Variants in NFIA observed in about 807,000 individuals in gnomAD.
NFIA encodes the protein nuclear factor 1 A-type.
In NFIA, 8 loss-of-function variants were observed where a neutral mutation model predicts 62.8. That is an observed-to-expected ratio of 0.13 (90% CI 0.07 to 0.23). The LOEUF (loss-of-function observed/expected upper bound fraction) is 0.23. NFIA is among the 10% of genes least tolerant of loss of function. The pLI is 1.00. For missense variants in NFIA, 410 were observed against 642.1 expected, an observed-to-expected ratio of 0.64 and a Z score of 3.91; for synonymous variants, 235 against 238.1, an observed-to-expected ratio of 0.99 and a Z score of 0.12.
At chr1:61,321,555 A>G (rs1043016280) in intron 3 of NFIA, among the ~76,000 whole-genome samples, 3 of 152,166 alleles carry the variant, frequency 2.0e-5, no homozygotes, top group South Asian at 2.1e-4. Context: ...GAGAGCCAAC[A>G]TTTGTTCTGC....
chr1:61,434,961 G>T (rs1200451888), intron 10 of NFIA, among the ~76,000 whole-genome samples: 2 of 152,178 alleles, frequency 1.3e-5, no homozygotes, highest in African/African-American at 4.8e-5. Flanking sequence ...GGAAAAAGGA[G>T]TTGTGAGTTG....
intron 2 of NFIA, among the ~76,000 whole-genome samples, chr1:61,143,746 A>T (rs899921052): frequency 1.3e-5 from 2 of 152,190 alleles, no homozygotes; most frequent in Non-Finnish European, 2.9e-5. Flanking sequence ...ACACCTGGCC[A>T]TATAGAGTAG....
chr1:61,197,846 T>C (rs1190013428), intron 2 of NFIA, among the ~76,000 whole-genome samples: 1 of 151,696 alleles, frequency 6.6e-6, no homozygotes, highest in Non-Finnish European at 1.5e-5. Context: ...CCGGGCTTGG[T>C]GGTGGGTGCC....
chr1:61,370,851 T>C (rs1663845425), intron 6 of NFIA, among the ~76,000 whole-genome samples: 1 of 152,206 alleles, frequency 6.6e-6, no homozygotes, highest in Non-Finnish European at 1.5e-5. Flanking sequence ...TCGTCTACTT[T>C]GTATGTAATG....
At chr1:61,298,480 CT>C (rs1200611463) in intron 3 of NFIA, among the ~76,000 whole-genome samples, 3 of 152,122 alleles carry the variant, frequency 2.0e-5, no homozygotes, top group Admixed American at 6.6e-5. Flanking sequence ...ATCAGTTCAC[CT>C]TTGGCCATGG....
intron 2 of NFIA, among the ~76,000 whole-genome samples, chr1:61,216,889 A>G (rs1468369754): frequency 3.3e-5 from 5 of 151,566 alleles, no homozygotes; most frequent in Non-Finnish European, 7.4e-5. Context: ...AATCCCAGCT[A>G]CCCGGGAGGC....
In NFIA at chr1:61,255,627, A is replaced by G. The variant is rs141890977; in HGVS notation, c.560-21893A>G. ...AGTATGTTACTTTGTGGGAGACTCA[A>G]AATCTTTTACGAGTAGATTTTTATT... On this transcript the variant is annotated intron_variant, in intron 2 of 10. Coordinates refer to ENST00000403491, the MANE Select transcript of NFIA (RefSeq NM_001134673.4). Among the ~76,000 whole-genome samples, 13 of 152,334 alleles carry G rather than the reference A, an allele frequency of 8.5e-5. No homozygotes were observed. The East Asian group carries it at 2.5e-3, about 29-fold the overall frequency.
chr1:61,146,139 A>G (rs912289285), intron 2 of NFIA, among the ~76,000 whole-genome samples: 2 of 152,102 alleles, frequency 1.3e-5, no homozygotes, highest in African/African-American at 2.4e-5. Context: ...TCACTGCATC[A>G]CTGCATTTGA....
intron 2 of NFIA, among the ~76,000 whole-genome samples, chr1:61,234,667 G>A (rs138861486): frequency 7.2e-5 from 11 of 151,842 alleles, no homozygotes; most frequent in African/African-American, 2.7e-4. Flanking sequence ...ACTACTTTAG[G>A]CAAAAAAAAG....
chr1:61,079,708 ATCCTT>A (rs1011734019), upstream of NFIA, among the ~76,000 whole-genome samples: 1 of 152,070 alleles, frequency 6.6e-6, no homozygotes, highest in Non-Finnish European at 1.5e-5. Flanking sequence ...TCTCTCTACT[ATCCTT>A]TCTTTCTTCC....
At chr1:61,226,656 T>G (rs569630427) in intron 2 of NFIA, among the ~76,000 whole-genome samples, 3 of 152,314 alleles carry the variant, frequency 2.0e-5, no homozygotes, top group African/African-American at 7.2e-5. Context: ...ATCTTTTTAT[T>G]TTTATTTTTA....
intron 2 of NFIA, among the ~76,000 whole-genome samples, chr1:61,134,570 T>C (rs1260520208): frequency 6.6e-6 from 1 of 152,216 alleles, no homozygotes; most frequent in Non-Finnish European, 1.5e-5. Context: ...ACTTAGAGTC[T>C]TTTAGTTATG....
upstream of NFIA, among the ~76,000 whole-genome samples, chr1:61,079,405 T>C (rs1256052098): frequency 6.6e-6 from 1 of 152,170 alleles, no homozygotes; most frequent in Non-Finnish European, 1.5e-5. Flanking sequence ...CTTATTGACG[T>C]AATTTATATA....
At chr1:61,400,351 G>A (rs1051400110) in intron 7 of NFIA, among the ~76,000 whole-genome samples, 4 of 152,130 alleles carry the variant, frequency 2.6e-5, no homozygotes, top group African/African-American at 9.7e-5. Context: ...CTGGCCACTC[G>A]TTAAAGTTTA....
At chr1:61,269,811 C>T (rs1272748207) in intron 2 of NFIA, among the ~76,000 whole-genome samples, 1 of 152,178 alleles carries the variant, frequency 6.6e-6, no homozygotes, top group Non-Finnish European at 1.5e-5. Context: ...GAGGTAGCTT[C>T]TTGCTGGTAA....
At chr1:61,090,423 G>A (rs75324489) in intron 2 of NFIA, among the ~76,000 whole-genome samples, 96 of 152,274 alleles carry the variant, frequency 6.3e-4, no homozygotes, top group Non-Finnish European at 1.2e-3. Context: ...TACCTGTGAA[G>A]TTTTTGTCGG....
chr1:61,380,520 G>A (rs1664363847), intron 6 of NFIA, among the ~76,000 whole-genome samples: 2 of 152,082 alleles, frequency 1.3e-5, no homozygotes, highest in African/African-American at 4.8e-5. Flanking sequence ...AAAAATAAAA[G>A]CCAACATTAA....
chr1:61,215,697 T>C (rs949549387), intron 2 of NFIA, among the ~76,000 whole-genome samples: 1 of 152,266 alleles, frequency 6.6e-6, no homozygotes, highest in African/African-American at 2.4e-5. Context: ...ATTTGACTTA[T>C]AAATGACCTC....
rs766882859 is a variant in NFIA at position 61,352,541 on chromosome 1, G to A, written c.792G>A (p.Arg264=). The change falls in exon 5 of 11, where the codon AGG becomes AGA. Residue 264 remains arginine, a synonymous_variant. Coordinates refer to ENST00000403491, the MANE Select transcript of NFIA (RefSeq NM_001134673.4). ...GCATGAGTCCAGGAGCAATGAGGAG[G>A]TCTTTACCCAGCACATCCTCTACGA... ...YYSMSPGAMR[R]SLPSTSSTSS... is the part of the protein sequence containing the mutation. 4.3e-6 allele frequency: 7 copies of A among 1,613,612 alleles called. No individual in the cohort carries two copies. In the African/African-American group the frequency reaches 6.7e-5, roughly 15 times the overall value.
Sources: gnomAD v4.1 joint callset for allele counts (sites outside exome capture counted in the v4.1 genomes callset) on GRCh38, gnomAD v4.1.1 for gene constraint, MANE v1.5 for transcripts, NCBI Gene and HGNC (gene_info 2026-07-23, HGNC 2026-07-21) for gene names.